The following GABRQ variants were observed in gnomAD, a reference collection of about 807,000 sequenced individuals.
GABRQ encodes gamma-aminobutyric acid type A receptor subunit theta.
A neutral mutation model predicts 30.5 loss-of-function variants in GABRQ; 19 were observed. That is an observed-to-expected ratio of 0.62 (90% confidence interval 0.43 to 0.91). The LOEUF is 0.91. Among genes scored for constraint, GABRQ ranks in the 40% least tolerant of loss-of-function variants. GABRQ has a pLI of 0.00. For missense variants in GABRQ, 520 were observed against 521.4 expected, an observed-to-expected ratio of 1.00 and a Z score of 0.03; for synonymous variants, 187 against 210.2, an observed-to-expected ratio of 0.89 and a Z score of 0.95.
chrX:152,647,262 C>T (rs184436045), intron 4 of GABRQ, 94 bp downstream of exon 4: 12 of 613,905 alleles, frequency 2.0e-5, no homozygotes, highest in South Asian at 2.8e-5. Flanking sequence ...ACAAAGGCAC[C>T]CACTGCTTTC....
chrX:152,651,506 C>A lies in GABRQ; in HGVS notation c.902-20C>A, dbSNP rs192341563. The stretch of plus-strand genomic sequence containing the variant: ...CGTTAGCCATCAGAGGAGACTAAGT[C>A]TGTACTGTGTTGCTTACAGGCTTAA... On this transcript the variant is annotated intron_variant, in intron 7 of 8. Coordinates refer to ENST00000598523, the MANE Select transcript of GABRQ (RefSeq NM_018558.4). 1 of 1,199,005 alleles carries A rather than the reference C, an allele frequency of 8.3e-7. No homozygotes were observed. Among genetic ancestry groups the A allele is most frequent in the Admixed American group, 2.2e-5 (1 of 46,019 alleles).
At chrX:152,651,301 G>A (rs1556820147) in intron 7 of GABRQ, among the ~76,000 whole-genome samples, 1 of 112,508 alleles carries the variant, frequency 8.9e-6, no homozygotes, top group Non-Finnish European at 1.9e-5. Context: ...CAATTGCCAT[G>A]AAGCCACGGC....
At position 152,657,052 on chromosome X, in the gene GABRQ, C is replaced by A. The variant is rs781910334; in HGVS notation, c.*3771C>A. 1 of 112,005 alleles carries A rather than the reference C, an allele frequency of 8.9e-6. No homozygotes were observed. Among genetic ancestry groups the A allele is most frequent in the Non-Finnish European group, 1.9e-5 (1 of 53,201 alleles). The allele number at this position is 112,005 out of a possible 1,213,427, so 9.2% of individuals were successfully genotyped here. On this transcript the variant is annotated 3_prime_UTR_variant, in exon 9 of 9. Transcript: ENST00000598523. ...GACTCAATTTGTGTGAGACTTTGCA[C>A]TCACTATCTCGCCGGCCGGACTGCA...
At position 152,640,407 on chromosome X, in the gene GABRQ, A is replaced by G. The variant is rs782763426; in HGVS notation, c.179A>G (p.Gln60Arg). 2 of 1,204,033 alleles carry G rather than the reference A, an allele frequency of 1.7e-6. No individual in the cohort carries two copies. The highest frequency in any genetic ancestry group is 3.5e-5 in the African/African-American group (2 of 57,083). The change falls in exon 2 of 9, where the codon CAA becomes CGA. Residue 60 changes from glutamine to arginine, a missense_variant. Transcript: ENST00000598523. ...AATTGTGCAAATGAAGCTGTGGTTC[A>G]AAAGATTTTGGACAGGGTGCTGTCA... Reference protein sequence around the residue: ...CKNCANEAVVQKILDRVLSRY... With the variant: ...CKNCANEAVVRKILDRVLSRY...
In GABRQ at chrX:152,653,192, G is replaced by T; in HGVS notation, c.1810G>T (p.Val604Phe). 8.3e-7 allele frequency: 1 copy of T among 1,208,177 alleles called. No homozygotes were observed. The highest frequency in any genetic ancestry group is 1.1e-6 in the Non-Finnish European group (1 of 892,479). Reference protein sequence around the residue: ...FSFDLFNPDYVPKVDKWSRFL... With the variant: ...FSFDLFNPDYFPKVDKWSRFL... ...CTTCGATCTCTTTAATCCTGACTAC[G>T]TCCCAAAGGTCGACAAGTGGTCCCG... Residue 604 changes from valine (V) to phenylalanine (F), a missense_variant, in exon 9 of 9, where the codon GTC (valine) becomes TTC (phenylalanine). Coordinates refer to ENST00000598523, the MANE Select transcript of GABRQ (RefSeq NM_018558.4).
chrX:152,652,952 G>A lies in GABRQ; in HGVS notation c.1570G>A (p.Glu524Lys), dbSNP rs782248718. The change falls in exon 9 of 9, where the codon GAG becomes AAG. Residue 524 changes from glutamate (E) to lysine (K), a missense_variant. Transcript: ENST00000598523. Reference sequence around the variant, plus strand: ...TGGGAAGCCCATGCTTCACCATGGCGAGAAGGGTGTGCAAGAAGCAGGCTG... The same window carrying A: ...TGGGAAGCCCATGCTTCACCATGGCAAGAAGGGTGTGCAAGAAGCAGGCTG... The part of the protein sequence containing the change: ...PSGKPMLHHG[E>K]KGVQEAGWDL... 3.3e-6 allele frequency: 4 copies of A among 1,211,170 alleles called. No individual in the cohort carries two copies. The highest frequency in any genetic ancestry group is 2.2e-5 in the Admixed American group (1 of 46,144).
intron 6 of GABRQ, 151 bp from the exon 7 acceptor site, chrX:152,650,277 C>T: frequency 2.0e-6 from 1 of 500,102 alleles, no homozygotes; most frequent in Admixed American, 3.2e-5. Context: ...CACTGATCTG[C>T]TAGTGCAGTC....
At position 152,653,798 on chromosome X, in the gene GABRQ, G is replaced by A. The variant is rs1392741785; in HGVS notation, c.*517G>A. On this transcript the variant is annotated 3_prime_UTR_variant, in exon 9 of 9. Transcript: ENST00000598523. Reference sequence around the variant, plus strand: ...ATAGAAGAAAGTCAAGCTGGGTTGGGCTGGGGTTCATAGCTAAAGGGCTAG... The same window carrying A: ...ATAGAAGAAAGTCAAGCTGGGTTGGACTGGGGTTCATAGCTAAAGGGCTAG... The A allele has an allele frequency of 8.9e-6, 1 of 112,325 alleles. No homozygotes were observed. Among genetic ancestry groups the A allele is most frequent in the Non-Finnish European group, 1.9e-5 (1 of 53,641 alleles). The allele number at this position is 112,325 out of a possible 1,213,427, so 9.3% of individuals were successfully genotyped here. A position where few individuals can be genotyped will look rare whatever the true frequency, so the allele number is the denominator to read the frequency against.
chrX:152,645,969 A>G (rs1159391680), intron 3 of GABRQ, among the ~76,000 whole-genome samples: 1 of 112,792 alleles, frequency 8.9e-6, no homozygotes, highest in African/African-American at 3.2e-5. Flanking sequence ...CCAAATTTAC[A>G]GAACTCCTGT....
At chrX:152,640,175 G>GT (rs1300573461) in intron 1 of GABRQ, among the ~76,000 whole-genome samples, 1 of 110,491 alleles carries the variant, frequency 9.1e-6, no homozygotes, top group African/African-American at 3.3e-5. Context: ...GAAGGTGGGG[G>GT]GGGGAGGAAA....
At chrX:152,647,222 A>C in intron 4 of GABRQ, 54 bp downstream of exon 4, 1 of 887,002 alleles carries the variant, frequency 1.1e-6, no homozygotes, top group Non-Finnish European at 1.6e-6. Context: ...CTTCCTACTG[A>C]ATATTCTACA....
chrX:152,647,145 T>A lies in GABRQ; in HGVS notation c.504T>A (p.Asp168Glu). ...ATCGCGTGTTTCAGCTTCACCCAGA[T>A]GGAACGGTGCGGTACGGCATCCGGT... ...VENRVFQLHP[D>E]GTVRYGIRLT... The change falls in exon 4 of 9, where the codon GAT becomes GAA. Residue 168 changes from aspartate to glutamate, a missense_variant. Transcript: ENST00000598523. 1 of 1,206,880 alleles carries A rather than the reference T, an allele frequency of 8.3e-7. No homozygotes were observed. The highest frequency in any genetic ancestry group is 1.1e-6 in the Non-Finnish European group (1 of 890,974).
At position 152,638,287 on chromosome X, in the gene GABRQ, A is replaced by T. The variant is rs868983657; in HGVS notation, c.85A>T (p.Ile29Phe). 1 of 1,210,789 alleles carries T rather than the reference A, an allele frequency of 8.3e-7. No homozygotes were observed. The highest frequency in any genetic ancestry group is 1.1e-6 in the Non-Finnish European group (1 of 894,231). Reference protein sequence around the residue: ...WLAEGNYPSPIPKFHFEFSSA... With the variant: ...WLAEGNYPSPFPKFHFEFSSA... ...CGCGGAGGGCAACTACCCCAGTCCC[A>T]TCCCGAAATTCCACTTCGAGTTCTC... Residue 29 changes from isoleucine (I) to phenylalanine (F), a missense_variant, in exon 1 of 9, where the codon ATC becomes TTC. Transcript: ENST00000598523.
Position 152,653,279 on chromosome X carries a change from T to G in GABRQ, c.1897T>G (p.Ter633GluextTer40). Residue 633 changes from the stop codon to glutamate, a stop_lost, in exon 9 of 9, where the codon TAG (stop) becomes GAG (glutamate). Transcript: ENST00000598523. ...NIVYWVYHMY[*>E] ...TGTTTACTGGGTATACCATATGTAT[T>G]AGTCCCCCAGTGCTCCAGAACAGCG... 8.4e-7 allele frequency: 1 copy of G among 1,190,521 alleles called. No homozygotes were observed. Among genetic ancestry groups the G allele is most frequent in the Non-Finnish European group, 1.1e-6 (1 of 878,607 alleles).
In GABRQ at chrX:152,640,172, G is replaced by C. The variant is rs782473577; in HGVS notation, c.150-206G>C. Among the ~76,000 whole-genome samples the C allele has an allele frequency of 4.7e-3, 518 of 110,018 alleles. 5 individuals carry two copies. Among genetic ancestry groups the C allele is most frequent in the African/African-American group, 0.016 (488 of 30,117 alleles). ...CCTCTGGATTAAAGCTGGGAAGGTG[G>C]GGGGGGGAGGAAAGAGGAGTCTGCG... On this transcript the variant is annotated intron_variant, in intron 1 of 8. Transcript: ENST00000598523.
chrX:152,649,765 A>ATAT lies in GABRQ; in HGVS notation c.639_641dup (p.Leu213dup). 8.4e-7 allele frequency: 1 copy of ATAT among 1,186,000 alleles called. No homozygotes were observed. Among genetic ancestry groups the ATAT allele is most frequent in the Non-Finnish European group, 1.1e-6 (1 of 872,547 alleles). ...AGATGGTTACACGGTTGAAGACATC[A>ATAT]TATTATTCTGGGATGACAATGGGAA... is the stretch of plus-strand genomic sequence containing the variant. On this transcript the variant is annotated inframe_insertion, in exon 6 of 9. Transcript: ENST00000598523.
chrX:152,651,978 C>T (rs1931035341), intron 8 of GABRQ, among the ~76,000 whole-genome samples, 196 bp downstream of exon 8: 1 of 113,082 alleles, frequency 8.8e-6, no homozygotes, highest in South Asian at 3.6e-4. Flanking sequence ...TGATCATTGT[C>T]CAAGGTCACA....
chrX:152,653,357 T>G lies in GABRQ; in HGVS notation c.*76T>G. On this transcript the variant is annotated 3_prime_UTR_variant, in exon 9 of 9. Transcript: ENST00000598523. ...TTCTTTTGGGTTTGTTTTTCCCTCT[T>G]TCCTTTGTTCCTTTTATTTTGTGGT... 1 of 720,777 alleles carries G rather than the reference T, an allele frequency of 1.4e-6. No individual in the cohort carries two copies. 59.4% of individuals were successfully genotyped at this position (720,777 alleles called of 1,213,427 possible).
In GABRQ at chrX:152,639,378, G is replaced by GCACACACACACACA. The variant is rs199710373; in HGVS notation, c.150-987_150-974dup. 3.1e-3 allele frequency among the ~76,000 whole-genome samples: 325 copies of GCACACACACACACA among 103,356 alleles called. 2 individuals are homozygous for GCACACACACACACA. The highest frequency in any genetic ancestry group is 0.011 in the African/African-American group (314 of 27,868). 89.8% of individuals were successfully genotyped at this position (103,356 alleles called of 115,157 possible). A position where few individuals can be genotyped will look rare whatever the true frequency, so the allele number is the denominator to read the frequency against. On this transcript the variant is annotated intron_variant, in intron 1 of 8. Transcript: ENST00000598523. ...ACTGAACATGCACACATGCGCGTGC[G>GCACACACACACACA]CACACACACACACACACACACACAC...
Sources: allele counts gnomAD v4.1 joint callset (sites outside exome capture counted in the v4.1 genomes callset), GRCh38; gene constraint gnomAD v4.1.1; transcripts MANE v1.5; gene names NCBI Gene and HGNC (gene_info 2026-07-23, HGNC 2026-07-21).